Variants in ABCA8 observed in about 807,000 individuals in gnomAD.
The protein encoded by ABCA8 is ATP binding cassette subfamily A member 8.
In ABCA8, 177 loss-of-function variants were observed where a neutral mutation model predicts 192.3. That is an observed-to-expected ratio of 0.92 (90% CI 0.81 to 1.04). ABCA8 has a LOEUF of 1.04. Among genes scored for constraint, ABCA8 ranks in the 50% least tolerant of loss-of-function variants. The probability of loss-of-function intolerance (pLI) is 0.00; values close to 1 mark genes in which losing one functional copy is unlikely to be tolerated. For missense variants in ABCA8, 1,915 were observed against 1,904.8 expected, an observed-to-expected ratio of 1.01 and a Z score of -0.10; for synonymous variants, 642 against 690.2, an observed-to-expected ratio of 0.93 and a Z score of 1.09.
chr17:68,922,181 T>A, intron 12 of ABCA8, 61 bp downstream of exon 12: 4 of 918,368 alleles, frequency 4.4e-6, no homozygotes, highest in Non-Finnish European at 5.7e-6. Flanking sequence ...ACAAATATTT[T>A]CTTTCTCTCT....
chr17:68,904,017 T>A (rs918901749), intron 19 of ABCA8, among the ~76,000 whole-genome samples: 3 of 151,894 alleles, frequency 2.0e-5, no homozygotes, highest in African/African-American at 7.3e-5. Flanking sequence ...AAGCCTAATA[T>A]CAAACCTCAA....
intron 26 of ABCA8, chr17:68,886,796 C>T: frequency 3.6e-6 from 1 of 275,620 alleles, no homozygotes; most frequent in East Asian, 6.6e-5. Flanking sequence ...TACACGTTTC[C>T]TCCTAATTTA....
chr17:68,948,665 C>A (rs2068484569), intron 2 of ABCA8, among the ~76,000 whole-genome samples: 3 of 152,066 alleles, frequency 2.0e-5, no homozygotes, highest in South Asian at 4.1e-4. Flanking sequence ...GGGTAGATTG[C>A]AAAAATTTTC....
intron 4 of ABCA8, among the ~76,000 whole-genome samples, chr17:68,940,032 T>C (rs1296973441): frequency 6.6e-6 from 1 of 152,140 alleles, no homozygotes; most frequent in Non-Finnish European, 1.5e-5. Context: ...TTTAATCAAA[T>C]GTCCTCTGAC....
chr17:68,940,943 A>G lies in ABCA8; in HGVS notation c.116T>C (p.Leu39Pro), dbSNP rs895179713. 4 of 1,609,108 alleles carry G rather than the reference A, an allele frequency of 2.5e-6. No homozygotes were observed. The African/African-American group carries it at 4.0e-5, about 16-fold the overall frequency. ...ATATATATACAAACAAAGTAGTAGG[A>G]GCAATGAATTCAGCCATTCCTATAT... ...ESLMEWLNSL[L>P]LLLCLYIYPH... is the part of the protein sequence containing the mutation. The change falls in exon 4 of 40, where the codon CTC (leucine) becomes CCC (proline). Residue 39 changes from leucine (L) to proline (P), a missense_variant. Leu to Pro is a moderately conservative substitution (Grantham distance 98, BLOSUM62 -3). Transcript: ENST00000586539.
chr17:68,906,012 T>C, intron 19 of ABCA8, 32 bp downstream of exon 19: 1 of 1,530,252 alleles, frequency 6.5e-7, no homozygotes, highest in Non-Finnish European at 8.8e-7. Context: ...AATATGTGCT[T>C]TTACATAATA....
In ABCA8 at chr17:68,932,346, C is replaced by G; in HGVS notation, c.739G>C (p.Glu247Gln). Residue 247 changes from glutamate to glutamine, a missense_variant, in exon 7 of 40, where the codon GAG becomes CAG. Glu to Gln is a conservative substitution (Grantham distance 29). Coordinates refer to ENST00000586539, the MANE Select transcript of ABCA8 (RefSeq NM_001288985.2). ...ATCAAGGCCTTCATCCTTTTCCTCT[C>G]TCTTGTGACATTAACAGATGCATAG... is the stretch of plus-strand genomic sequence containing the variant. ...IYYASVNVTR[E>Q]RKRMKALMTM... 1.2e-6 allele frequency: 2 copies of G among 1,614,124 alleles called. No homozygotes were observed. Among genetic ancestry groups the G allele is most frequent in the South Asian group, 2.2e-5 (2 of 91,082 alleles).
At position 68,877,654 on chromosome 17, in the gene ABCA8, C is replaced by T. The variant is rs1360191619; in HGVS notation, c.4064G>A (p.Gly1355Glu). ...GTACCCCAGGAACTCCAGGGCATCC[C>T]CTCCACCGCTCCCTTTCAGTAGCAC... is the stretch of plus-strand genomic sequence containing the variant. The part of the protein sequence containing the change: ...GQVLLKGSGG[G>E]DALEFLGYCP... Residue 1355 changes from glycine (G) to glutamate (E), a missense_variant, in exon 33 of 40, where the codon GGG (glycine) becomes GAG (glutamate). By Grantham distance (98) the Gly-to-Glu change is moderately conservative (BLOSUM62 -2). Transcript: ENST00000586539. 3.1e-6 allele frequency: 5 copies of T among 1,612,900 alleles called. No homozygotes were observed. Among genetic ancestry groups the T allele is most frequent in the South Asian group, 1.1e-5 (1 of 90,856 alleles).
rs1362242554 is a variant in ABCA8, at chr17:68,933,289, TCATAACTATCATTA to T, written c.467-32_467-19del. 9 of 1,433,910 alleles carry T rather than the reference TCATAACTATCATTA, an allele frequency of 6.3e-6. No individual in the cohort carries two copies. The African/African-American group carries it at 1.3e-4, about 20-fold the overall frequency. The allele number at this position is 1,433,910 out of a possible 1,614,324, so 88.8% of individuals were successfully genotyped here. On this transcript the variant is annotated intron_variant, in intron 5 of 39. Coordinates refer to ENST00000586539, the MANE Select transcript of ABCA8 (RefSeq NM_001288985.2). Reference sequence around the variant, plus strand: ...ACAATGAGCTTTGTGAAAAAACAAATCATAACTATCATTACATCACTATCTATATTATTGAAATA... The same window carrying T: ...ACAATGAGCTTTGTGAAAAAACAAATCATCACTATCTATATTATTGAAATA...
chr17:68,911,948 T>C lies in ABCA8; in HGVS notation c.2139-4069A>G, dbSNP rs1294299940. On this transcript the variant is annotated intron_variant, in intron 17 of 39. Transcript: ENST00000586539. This position sits in a 1 kb window ranked among gnomAD's most constrained non-coding sequence, Gnocchi z 5.7. ...GTGACCAAAGACTTAGACCATAACA[T>C]TCTATTCCCTTTGAATACTTGGAAA... 6.6e-6 allele frequency among the ~76,000 whole-genome samples: 1 copy of C among 152,104 alleles called. No homozygotes were observed. Among genetic ancestry groups the C allele is most frequent in the Non-Finnish European group, 1.5e-5 (1 of 68,020 alleles).
chr17:68,935,539 C>CATATATATATATAT (rs1567877214), intron 5 of ABCA8, among the ~76,000 whole-genome samples: 10 of 41,826 alleles, frequency 2.4e-4, no homozygotes, highest in African/African-American at 9.2e-4. Context: ...GAGTAGTATT[C>CATATATATATATAT]CTATATATAT....
intron 5 of ABCA8, among the ~76,000 whole-genome samples, chr17:68,934,487 G>A (rs1441321847): frequency 6.6e-6 from 1 of 152,204 alleles, no homozygotes; most frequent in East Asian, 1.9e-4. Flanking sequence ...GGAGGGTTGA[G>A]TTGTACTGTC....
At chr17:68,900,163 T>A (rs2066869657) in intron 21 of ABCA8, among the ~76,000 whole-genome samples, 1 of 152,058 alleles carries the variant, frequency 6.6e-6, no homozygotes, top group Non-Finnish European at 1.5e-5. Flanking sequence ...AAGCTAGAAG[T>A]TGGTTCCTTG....
intron 30 of ABCA8, among the ~76,000 whole-genome samples, chr17:68,882,333 A>G (rs1054750405): frequency 6.6e-6 from 1 of 152,206 alleles, no homozygotes; most frequent in African/African-American, 2.4e-5. Context: ...TGTACTGTGC[A>G]CTTTCTCCAA....
intron 7 of ABCA8, among the ~76,000 whole-genome samples, chr17:68,930,156 G>A (rs1262430420): frequency 6.6e-6 from 1 of 152,132 alleles, no homozygotes. Context: ...TGATGGCTAT[G>A]TAGGGCACTG....
chr17:68,906,700 A>T (rs1046760503), intron 18 of ABCA8, among the ~76,000 whole-genome samples: 1 of 152,312 alleles, frequency 6.6e-6, no homozygotes, highest in African/African-American at 2.4e-5. Flanking sequence ...AAAATTCACA[A>T]GACCTAACAG....
intron 37 of ABCA8, among the ~76,000 whole-genome samples, chr17:68,874,427 TA>T (rs1336713169): frequency 6.6e-6 from 1 of 152,206 alleles, no homozygotes; most frequent in Non-Finnish European, 1.5e-5. Flanking sequence ...GTTTCTCAGA[TA>T]AATGTTTGTC....
At chr17:68,934,560 G>A (rs2068001388) in intron 5 of ABCA8, among the ~76,000 whole-genome samples, 1 of 152,138 alleles carries the variant, frequency 6.6e-6, no homozygotes, top group Non-Finnish European at 1.5e-5. Context: ...ACTTATACCT[G>A]CATTTAAATG....
At chr17:68,944,359 T>TATATATATATATATATATACAC (rs765731645) in intron 2 of ABCA8, among the ~76,000 whole-genome samples, 1 of 69,474 alleles carries the variant, frequency 1.4e-5, no homozygotes, top group Non-Finnish European at 2.9e-5. Context: ...TATATATATA[T>TATATATATATATATATATACAC]ACACATATAC....
Sources: allele counts gnomAD v4.1 joint callset (sites outside exome capture counted in the v4.1 genomes callset), GRCh38; gene constraint gnomAD v4.1.1; non-coding constraint Gnocchi (gnomAD v3.1); transcripts MANE v1.5; gene names NCBI Gene and HGNC (gene_info 2026-07-23, HGNC 2026-07-21).